Variants in ELL observed in about 807,000 individuals in gnomAD.
The protein encoded by ELL is RNA polymerase II elongation factor ELL.
A neutral mutation model predicts 64.0 loss-of-function variants in ELL; 18 were observed. That is an observed-to-expected ratio of 0.28 (90% confidence interval 0.19 to 0.42). ELL has a LOEUF of 0.42. Ranked by LOEUF, ELL falls within the 10% of genes least tolerant of loss-of-function variation. The pLI is 1.00. For synonymous variants in ELL, 399 were observed against 376.2 expected, an observed-to-expected ratio of 1.06 and a Z score of -0.70; for missense variants, 797 against 870.4, an observed-to-expected ratio of 0.92 and a Z score of 1.06.
intron 1 of ELL, among the ~76,000 whole-genome samples, chr19:18,517,526 C>T (rs1019970482): frequency 6.6e-6 from 1 of 152,002 alleles, no homozygotes; most frequent in Non-Finnish European, 1.5e-5. Context: ...GCTGGGATTA[C>T]AGGTGTGAGC....
intron 1 of ELL, among the ~76,000 whole-genome samples, chr19:18,499,359 G>A (rs1010377549): frequency 6.6e-6 from 1 of 152,212 alleles, no homozygotes; most frequent in African/African-American, 2.4e-5. Flanking sequence ...CACACAGGGT[G>A]ATGATCTAAC....
Position 18,458,279 on chromosome 19 carries a change from C to T in ELL, c.795G>A (p.Met265Ile), listed in dbSNP as rs112087517. The change falls in exon 6 of 12, where the codon ATG becomes ATA. Residue 265 changes from methionine to isoleucine, a missense_variant. Physicochemically the swap from Met to Ile is conservative, Grantham distance 10. Transcript: ENST00000262809. ...GCCAGTCCTTCTGCACATCCTTGTA[C>T]ATGCAGTCCTGCAGTGTACACGTGC... ...KDGTCTLQDCMYKDVQKDWPG... is the reference protein window; with the variant it reads ...KDGTCTLQDCIYKDVQKDWPG... 6.2e-6 allele frequency: 10 copies of T among 1,613,450 alleles called. No individual in the cohort carries two copies. In the African/African-American group the frequency reaches 6.7e-5, roughly 11 times the overall value.
In ELL at chr19:18,443,758, C is replaced by G. The variant is rs1270311495; in HGVS notation, c.*994G>C. ...CATGGGTCCCTGGGGCCTCCCTGAC[C>G]CCATGGCGCCCAGCCCTCCATCAGC... On this transcript the variant is annotated 3_prime_UTR_variant, in exon 12 of 12. Coordinates refer to ENST00000262809, the MANE Select transcript of ELL (RefSeq NM_006532.4). The G allele has an allele frequency of 4.3e-6, 1 of 233,044 alleles. No individual in the cohort carries two copies. Among genetic ancestry groups the G allele is most frequent in the African/African-American group, 2.2e-5 (1 of 45,296 alleles). The allele number at this position is 233,044 out of a possible 1,614,324, so 14.4% of individuals were successfully genotyped here.
At chr19:18,447,483 A>T (rs749465355) in intron 8 of ELL, among the ~76,000 whole-genome samples, 1 of 152,260 alleles carries the variant, frequency 6.6e-6, no homozygotes, top group Non-Finnish European at 1.5e-5. Flanking sequence ...ATCCATGAGC[A>T]AAGTGTCCAT....
chr19:18,486,517 C>G (rs777667852), intron 1 of ELL, among the ~76,000 whole-genome samples: 2 of 152,164 alleles, frequency 1.3e-5, no homozygotes, highest in African/African-American at 2.4e-5. Flanking sequence ...GTCGGCCACA[C>G]TCACCAAGGC....
At chr19:18,479,687 C>T (rs991649955) in intron 1 of ELL, among the ~76,000 whole-genome samples, 63 of 126,878 alleles carry the variant, frequency 5.0e-4, no homozygotes, top group African/African-American at 1.9e-3. Context: ...CCAGCCTGCA[C>T]GACAGAGTGA....
At chr19:18,473,137 C>G in intron 1 of ELL, 1 of 675,840 alleles carries the variant, frequency 1.5e-6, no homozygotes, top group Non-Finnish European at 2.7e-6. Context: ...CCTCCAGACA[C>G]AGGCAACAGG....
At chr19:18,485,969 G>C (rs1363288543) in intron 1 of ELL, among the ~76,000 whole-genome samples, 1 of 150,756 alleles carries the variant, frequency 6.6e-6, no homozygotes, top group Non-Finnish European at 1.5e-5. Context: ...CTGGGCGACA[G>C]AGCGAGACTC....
chr19:18,512,409 G>A lies in ELL; in HGVS notation c.135+9512C>T, dbSNP rs138007194. Among the ~76,000 whole-genome samples the A allele has an allele frequency of 1.3e-4, 20 of 152,290 alleles. No individual in the cohort carries two copies. The East Asian group carries it at 1.7e-3, about 13-fold the overall frequency. On this transcript the variant is annotated intron_variant, in intron 1 of 11. Transcript: ENST00000262809. ...TCCCGGCATTTTGGGAGGCCAAGGC[G>A]GGCAGGTCGCTTCAGCTCAGAAGTT...
intron 1 of ELL, among the ~76,000 whole-genome samples, chr19:18,519,308 G>C (rs575111540): frequency 6.6e-6 from 1 of 151,896 alleles, no homozygotes; most frequent in African/African-American, 2.4e-5. Context: ...CCACAGCATC[G>C]AGGAATACAA....
rs190771649 is a variant in ELL at position 18,462,163 on chromosome 19, T to G, written c.470-311A>C. 1.5e-3 allele frequency among the ~76,000 whole-genome samples: 231 copies of G among 150,722 alleles called. 2 individuals carry two copies. Among genetic ancestry groups the G allele is most frequent in the African/African-American group, 5.4e-3 (220 of 40,730 alleles). On this transcript the variant is annotated intron_variant, in intron 4 of 11. Coordinates refer to ENST00000262809, the MANE Select transcript of ELL (RefSeq NM_006532.4). ...CTGGACAGCAAAATCACCTGATCAC[T>G]CTCACTCTGGTGGGCAGTGTGTGTG...
intron 1 of ELL, among the ~76,000 whole-genome samples, chr19:18,515,698 C>G (rs551990075): frequency 1.3e-5 from 2 of 152,346 alleles, no homozygotes; most frequent in African/African-American, 4.8e-5. Context: ...CTCACGTCAC[C>G]AAGGTTCGGG....
Position 18,449,021 on chromosome 19 carries a change from G to C in ELL, c.1465+1456C>G, listed in dbSNP as rs1600422599. Among the ~76,000 whole-genome samples the C allele has an allele frequency of 6.6e-6, 1 of 152,152 alleles. No homozygotes were observed. Among genetic ancestry groups the C allele is most frequent in the Admixed American group, 6.5e-5 (1 of 15,274 alleles). ...CCACCAGCACCAGGCTCAGCTTCTG[G>C]TGCCTCCACTGTCCTTTTCTTGGTG... On this transcript the variant is annotated intron_variant, in intron 8 of 11. Coordinates refer to ENST00000262809, the MANE Select transcript of ELL (RefSeq NM_006532.4). This position sits in a 1 kb window ranked among gnomAD's most constrained non-coding sequence, Gnocchi z 4.4.
At chr19:18,508,115 C>T (rs1287659760) in intron 1 of ELL, among the ~76,000 whole-genome samples, 3 of 152,192 alleles carry the variant, frequency 2.0e-5, no homozygotes, top group African/African-American at 7.2e-5. Flanking sequence ...CAGGGACTCC[C>T]ATGCGGGCTG....
chr19:18,471,520 T>C (rs1975064869), intron 2 of ELL: 1 of 204,560 alleles, frequency 4.9e-6, no homozygotes, highest in Non-Finnish European at 1.0e-5. Context: ...GTACAAAAAT[T>C]AGCCAGGCAT....
chr19:18,515,779 G>C (rs534456413), intron 1 of ELL, among the ~76,000 whole-genome samples: 26 of 152,304 alleles, frequency 1.7e-4, no homozygotes, highest in African/African-American at 6.3e-4. Context: ...TTCAGGTCAA[G>C]ACCCCTGCAA....
intron 1 of ELL, among the ~76,000 whole-genome samples, chr19:18,502,956 C>T (rs1292036922): frequency 2.0e-5 from 3 of 152,194 alleles, no homozygotes; most frequent in Admixed American, 1.3e-4. Flanking sequence ...GCAGGCAGCT[C>T]GGCACTTCCA....
chr19:18,477,016 T>C (rs996992659), intron 1 of ELL, among the ~76,000 whole-genome samples: 10 of 151,940 alleles, frequency 6.6e-5, no homozygotes, highest in Admixed American at 5.2e-4. Flanking sequence ...AAAACGAGAC[T>C]CCTAAGCCAG....
chr19:18,448,915 C>G (rs910375149), intron 8 of ELL: 1 of 152,240 alleles, frequency 6.6e-6, no homozygotes, highest in Admixed American at 6.5e-5. Flanking sequence ...CGTCTCTCTA[C>G]TTGCTTGTCC....
Sources: gnomAD v4.1 joint callset for allele counts (sites outside exome capture counted in the v4.1 genomes callset) on GRCh38, gnomAD v4.1.1 for gene constraint, Gnocchi (gnomAD v3.1) non-coding constraint, MANE v1.5 for transcripts, NCBI Gene and HGNC (gene_info 2026-07-23, HGNC 2026-07-21) for gene names.